Variants in CDS2 observed in about 807,000 individuals in gnomAD.
The protein encoded by CDS2 is phosphatidate cytidylyltransferase 2.
In CDS2, 47 loss-of-function variants were observed where a neutral mutation model predicts 59.0. That is an observed-to-expected ratio of 0.80 (90% CI 0.63 to 1.02). The LOEUF is 1.02. Ranked by LOEUF, CDS2 falls within the 50% of genes least tolerant of loss-of-function variation. CDS2 has a pLI of 0.00. For missense variants in CDS2, 356 were observed against 558.9 expected, an observed-to-expected ratio of 0.64 and a Z score of 3.66; for synonymous variants, 207 against 206.4, an observed-to-expected ratio of 1.00 and a Z score of -0.02.
intron 1 of CDS2, among the ~76,000 whole-genome samples, chr20:5,145,242 C>CA (rs1222837451): frequency 9.5e-6 from 1 of 105,492 alleles, no homozygotes; most frequent in Non-Finnish European, 1.9e-5. Flanking sequence ...AAAGACCCCC[C>CA]CCCCCGCCCC....
At chr20:5,139,577 A>G (rs2090676712) in intron 1 of CDS2, among the ~76,000 whole-genome samples, 1 of 152,138 alleles carries the variant, frequency 6.6e-6, no homozygotes. Flanking sequence ...TTCCCTGGCT[A>G]TGATTTCCAA....
rs1018452163 is a variant in CDS2, at chr20:5,186,616, C to A, written c.829-71C>A. 10 of 1,551,988 alleles carry A rather than the reference C, an allele frequency of 6.4e-6. No individual in the cohort carries two copies. The African/African-American group carries it at 1.4e-4, about 21-fold the overall frequency. On this transcript the variant is annotated intron_variant, in intron 9 of 12. Transcript: ENST00000460006. ...AGGCACCCTCAGGAACATGGCCAAA[C>A]CAGGTGCCTGTGTCTGGGCTGGATG...
At chr20:5,171,762 A>G (rs1482855651) in intron 1 of CDS2, among the ~76,000 whole-genome samples, 1 of 152,148 alleles carries the variant, frequency 6.6e-6, no homozygotes, top group Non-Finnish European at 1.5e-5. Context: ...TCCTTACCTT[A>G]TATAAGGTGA....
Position 5,192,342 on chromosome 20 carries a change from GT to G in CDS2, c.*2109del, listed in dbSNP as rs2091122353. 7.6e-6 allele frequency: 1 copy of G among 132,056 alleles called. No individual in the cohort carries two copies. The highest frequency in any genetic ancestry group is 2.9e-4 in the South Asian group (1 of 3,462). The allele number at this position is 132,056 out of a possible 1,614,324, so 8.2% of individuals were successfully genotyped here. On this transcript the variant is annotated 3_prime_UTR_variant, in exon 13 of 13. Transcript: ENST00000460006. ...GTTCCTTTGTGGAAGTGGTTACTTG[GT>G]GGGGGTGGGGTGGGGAAGGGGGGTC... is the stretch of plus-strand genomic sequence containing the variant.
chr20:5,142,750 T>C (rs2090705623), intron 1 of CDS2, among the ~76,000 whole-genome samples: 1 of 152,208 alleles, frequency 6.6e-6, no homozygotes, highest in South Asian at 2.1e-4. Context: ...TGAGAAGATA[T>C]TTATAACAAA....
Position 5,196,648 on chromosome 20 carries a change from A to G in CDS2, c.*6414A>G, listed in dbSNP as rs1348892219. On this transcript the variant is annotated 3_prime_UTR_variant, in exon 13 of 13. Coordinates refer to ENST00000460006, the MANE Select transcript of CDS2 (RefSeq NM_003818.4). Reference sequence around the variant, plus strand: ...CTGGCTTTTCTTAAAGGAACAGCAGAGTAGAAAAGAGGTTGAGAATGTTTT... The same window carrying G: ...CTGGCTTTTCTTAAAGGAACAGCAGGGTAGAAAAGAGGTTGAGAATGTTTT... 3 of 152,204 alleles carry G rather than the reference A, an allele frequency of 2.0e-5. No homozygotes were observed. Among genetic ancestry groups the G allele is most frequent in the African/African-American group, 4.8e-5 (2 of 41,442 alleles). 9.4% of individuals were successfully genotyped at this position (152,204 alleles called of 1,614,324 possible). A position where few individuals can be genotyped will look rare whatever the true frequency, so the allele number is the denominator to read the frequency against.
rs990941796 is a variant in CDS2, at chr20:5,197,488, G to T, written c.*7254G>T. On this transcript the variant is annotated 3_prime_UTR_variant, in exon 13 of 13. Transcript: ENST00000460006. ...TGACAGGGCAGAGCATTTCTGGTCA[G>T]TTTCTCCATGGTGCCTCCCACCCCT... 2 of 152,088 alleles carry T rather than the reference G, an allele frequency of 1.3e-5. No homozygotes were observed. The highest frequency in any genetic ancestry group is 2.9e-5 in the Non-Finnish European group (2 of 68,040). The allele number at this position is 152,088 out of a possible 1,614,324, so 9.4% of individuals were successfully genotyped here.
In CDS2 at chr20:5,159,735, G is replaced by A. The variant is rs73893903; in HGVS notation, c.58-13788G>A. ...TTTTCTACAAAATATATACCAAACTGGGTTCTTTTGAAAGATTTTTCTAGT... is the reference window on the plus strand; with the variant it reads ...TTTTCTACAAAATATATACCAAACTAGGTTCTTTTGAAAGATTTTTCTAGT... On this transcript the variant is annotated intron_variant, in intron 1 of 12. Coordinates refer to ENST00000460006, the MANE Select transcript of CDS2 (RefSeq NM_003818.4). 3.1e-3 allele frequency among the ~76,000 whole-genome samples: 464 copies of A among 152,098 alleles called. 3 individuals carry two copies. The highest frequency in any genetic ancestry group is 0.014 in the Middle Eastern group (4 of 294).
At chr20:5,187,366 A>C (rs6076785) in intron 10 of CDS2, 5,382 of 163,524 alleles carry the variant, frequency 0.033, 125 homozygotes, top group Non-Finnish European at 0.051. Flanking sequence ...ACTGAAATGG[A>C]AAGTATGTGT....
chr20:5,162,317 A>G (rs2090881274), intron 1 of CDS2, among the ~76,000 whole-genome samples: 1 of 152,200 alleles, frequency 6.6e-6, no homozygotes. Context: ...CTCAGCCAGT[A>G]AGTATAATGC....
chr20:5,130,521 A>G (rs1359183305), intron 1 of CDS2, among the ~76,000 whole-genome samples: 5 of 150,632 alleles, frequency 3.3e-5, no homozygotes, highest in Non-Finnish European at 5.9e-5. Flanking sequence ...TCACGCCTGT[A>G]ATCCCAGCAC....
chr20:5,145,476 C>G (rs2090734721), intron 1 of CDS2, among the ~76,000 whole-genome samples: 1 of 152,154 alleles, frequency 6.6e-6, no homozygotes, highest in Non-Finnish European at 1.5e-5. Context: ...ATCCCTAGTT[C>G]TTGCTCTCAT....
chr20:5,175,078 C>A, intron 2 of CDS2, 105 bp from the exon 3 acceptor site: 1 of 826,192 alleles, frequency 1.2e-6, no homozygotes. Context: ...AAGGACTGAG[C>A]TCAGGGCCCT....
chr20:5,186,817 T>A lies in CDS2; in HGVS notation c.959T>A (p.Val320Glu). 6.2e-7 allele frequency: 1 copy of A among 1,614,020 alleles called. No homozygotes were observed. The highest frequency in any genetic ancestry group is 8.5e-7 in the Non-Finnish European group (1 of 1,179,992). The change falls in exon 10 of 13, where the codon GTG (valine) becomes GAG (glutamate). Residue 320 changes from valine (V) to glutamate (E), a missense_variant. Val to Glu is a moderately radical substitution (Grantham distance 121, BLOSUM62 -2). Coordinates refer to ENST00000460006, the MANE Select transcript of CDS2 (RefSeq NM_003818.4). ...FRLQEYNIPG[V>E]IQSVIGWKTV... Reference sequence around the variant, plus strand: ...CTGCAGGAGTACAACATTCCTGGGGTGATCCAGTCAGTCATTGGCTGGGTA... The same window carrying A: ...CTGCAGGAGTACAACATTCCTGGGGAGATCCAGTCAGTCATTGGCTGGGTA...
intron 1 of CDS2, among the ~76,000 whole-genome samples, chr20:5,157,146 A>T (rs1250439820): frequency 6.6e-6 from 1 of 152,172 alleles, no homozygotes; most frequent in Non-Finnish European, 1.5e-5. Flanking sequence ...GATTGGTTGG[A>T]TGCTACTGAG....
chr20:5,189,328 G>A (rs1875896330), intron 11 of CDS2, 142 bp downstream of exon 11: 1 of 866,562 alleles, frequency 1.2e-6, no homozygotes, highest in African/African-American at 1.7e-5. Flanking sequence ...CTGAATTTAG[G>A]TGAGTTAATT....
intron 5 of CDS2, 139 bp from the exon 6 acceptor site, chr20:5,182,248 C>A: frequency 1.9e-6 from 1 of 532,800 alleles, no homozygotes; most frequent in Non-Finnish European, 3.2e-6. Flanking sequence ...TAATGTTTTT[C>A]TCCCCTGGGC....
At chr20:5,149,256 T>C (rs555229330) in intron 1 of CDS2, among the ~76,000 whole-genome samples, 1 of 152,350 alleles carries the variant, frequency 6.6e-6, no homozygotes, top group East Asian at 1.9e-4. Context: ...CATGGATTAT[T>C]AGTGAGGTTG....
chr20:5,175,142 T>C (rs1444147227), intron 2 of CDS2, 41 bp from the exon 3 acceptor site: 1 of 1,452,964 alleles, frequency 6.9e-7, no homozygotes, highest in Admixed American at 1.7e-5. Context: ...TTTTCTGGGC[T>C]CCTAACTGGT....
Sources: allele counts gnomAD v4.1 joint callset (sites outside exome capture counted in the v4.1 genomes callset), GRCh38; gene constraint gnomAD v4.1.1; transcripts MANE v1.5; gene names NCBI Gene and HGNC (gene_info 2026-07-23, HGNC 2026-07-21).